Variants in CLK3 observed in about 807,000 individuals in gnomAD.
The protein encoded by CLK3 is dual specificity protein kinase CLK3.
Under a neutral mutation model 65.2 loss-of-function variants are expected in CLK3, and 24 were observed. The observed-to-expected ratio is 0.37, with a 90% CI of 0.27 to 0.52. The LOEUF (loss-of-function observed/expected upper bound fraction) is 0.52. CLK3 is among the 20% of genes least tolerant of loss of function. The pLI, the probability that CLK3 is intolerant of heterozygous loss-of-function variation, is 0.92. For missense variants in CLK3, 506 were observed against 660.0 expected, an observed-to-expected ratio of 0.77 and a Z score of 2.56; for synonymous variants, 252 against 240.8, an observed-to-expected ratio of 1.05 and a Z score of -0.43.
At chr15:74,614,032 G>T (rs1211773707), upstream of CLK3, among the ~76,000 whole-genome samples, 2 of 152,178 alleles carry the variant, frequency 1.3e-5, no homozygotes, top group Admixed American at 6.5e-5. Context: ...TTTCTTTTTT[G>T]AGACGGAGTT....
upstream of CLK3, chr15:74,615,730 C>G (rs2062050070): frequency 8.1e-7 from 1 of 1,238,654 alleles, no homozygotes; most frequent in African/African-American, 1.6e-5. Context: ...CCGGAGCCTT[C>G]GAGTCGGGGG....
upstream of CLK3, among the ~76,000 whole-genome samples, chr15:74,613,744 C>T (rs531395497): frequency 6.6e-6 from 1 of 152,124 alleles, no homozygotes; most frequent in Non-Finnish European, 1.5e-5. Flanking sequence ...GAACATCCAT[C>T]CCTCAGGGCT....
intron 1 of CLK3, among the ~76,000 whole-genome samples, chr15:74,617,736 T>G (rs543357394): frequency 1.3e-5 from 2 of 152,380 alleles, no homozygotes; most frequent in South Asian, 2.1e-4. Flanking sequence ...ACTTGCCTTG[T>G]GGCACGACAT....
At chr15:74,613,265 C>T (rs77845395), upstream of CLK3, 6,456 of 152,230 alleles carry the variant, frequency 0.042, 152 homozygotes, top group Middle Eastern at 0.13. Flanking sequence ...TGCAGGGCAG[C>T]GGCACCTCCC....
rs763804384 is a variant in CLK3 at position 74,619,999 on chromosome 15, C to T, written c.153-10C>T. On this transcript the variant is annotated splice_polypyrimidine_tract_variant and intron_variant, in intron 2 of 12. Coordinates refer to ENST00000395066, the MANE Select transcript of CLK3 (RefSeq NM_001130028.2). ...CCAGCTGACCAGCGTCCCCATCCCCCTTTTGGCAGCCATGACCGCCTGCCC... is the reference window on the plus strand; with the variant it reads ...CCAGCTGACCAGCGTCCCCATCCCCTTTTTGGCAGCCATGACCGCCTGCCC... 3.1e-6 allele frequency: 5 copies of T among 1,614,014 alleles called. No individual in the cohort carries two copies. The highest frequency in any genetic ancestry group is 4.2e-6 in the Non-Finnish European group (5 of 1,179,948).
upstream of CLK3, among the ~76,000 whole-genome samples, chr15:74,612,134 C>G (rs115203216): frequency 6.6e-6 from 1 of 152,228 alleles, no homozygotes; most frequent in Non-Finnish European, 1.5e-5. Flanking sequence ...TGCCCAAGTC[C>G]GGCAGGGAGT....
chr15:74,629,076 AC>A, intron 12 of CLK3, 44 bp downstream of exon 12: 1 of 1,400,350 alleles, frequency 7.1e-7, no homozygotes, highest in Non-Finnish European at 1.0e-6. Context: ...CCAAGGAGAG[AC>A]CCCAGGCACT....
intron 6 of CLK3, among the ~76,000 whole-genome samples, chr15:74,625,584 G>A (rs2062138097): frequency 1.3e-5 from 2 of 152,120 alleles, no homozygotes; most frequent in Admixed American, 1.3e-4. Flanking sequence ...CCTACCCCCC[G>A]CAGGAAGCTT....
chr15:74,618,234 T>A (rs1411660120), intron 1 of CLK3, among the ~76,000 whole-genome samples: 3 of 152,158 alleles, frequency 2.0e-5, no homozygotes, highest in Admixed American at 2.0e-4. Flanking sequence ...GGGATTGACG[T>A]ATGGGTGGAG....
intron 3 of CLK3, chr15:74,620,841 C>T (rs1308516703): frequency 6.5e-6 from 1 of 153,634 alleles, no homozygotes. Flanking sequence ...GGGGCAGGTG[C>T]CTGTGTGATG....
Position 74,621,872 on chromosome 15 carries a change from C to A in CLK3, c.370-248C>A. 1 of 520,914 alleles carries A rather than the reference C, an allele frequency of 1.9e-6. No homozygotes were observed. The highest frequency in any genetic ancestry group is 3.6e-6 in the Non-Finnish European group (1 of 274,744). The allele number at this position is 520,914 out of a possible 1,614,324, so 32.3% of individuals were successfully genotyped here. A position where few individuals can be genotyped will look rare whatever the true frequency, so the allele number is the denominator to read the frequency against. ...AAAGATAATGTCCGAGTTTTCTTTA[C>A]ATACCTGTAGCTGTTTTTACTTTTC... is the stretch of plus-strand genomic sequence containing the variant. On this transcript the variant is annotated intron_variant, in intron 3 of 12. Coordinates refer to ENST00000395066, the MANE Select transcript of CLK3 (RefSeq NM_001130028.2). The surrounding 1 kb of genome is among the most constrained non-coding windows in gnomAD (Gnocchi z 4.8).
At chr15:74,628,878 A>G in intron 11 of CLK3, 64 bp from the exon 12 acceptor site, 2 of 1,245,712 alleles carry the variant, frequency 1.6e-6, no homozygotes, top group Admixed American at 3.5e-5. Context: ...GCTCTTCCCC[A>G]CCTCCCACCA....
In CLK3 at chr15:74,628,980, A is replaced by T; in HGVS notation, c.1244A>T (p.Asp415Val). The part of the protein sequence containing the change: ...KYFYKGGLVW[D>V]ENSSDGRYVK... ...TTCTACAAAGGGGGCCTAGTTTGGG[A>T]TGAGAACAGCTCTGACGGCCGGTAT... The change falls in exon 12 of 13, where the codon GAT becomes GTT. Residue 415 changes from aspartate to valine, a missense_variant. Asp to Val is a radical substitution (Grantham distance 152). Around this residue, in one of 2 missense-constraint regions of CLK3, gnomAD observed 325 missense variants for 500.5 expected, o/e 0.65. Transcript: ENST00000395066. The T allele has an allele frequency of 5.6e-6, 9 of 1,614,040 alleles. No homozygotes were observed. The highest frequency in any genetic ancestry group is 7.6e-6 in the Non-Finnish European group (9 of 1,179,906).
chr15:74,615,607 C>T (rs2062047728), upstream of CLK3: 2 of 1,253,290 alleles, frequency 1.6e-6, no homozygotes, highest in African/African-American at 1.6e-5. Context: ...GTCGGGGGAC[C>T]TACGTGCGCC....
chr15:74,619,109 T>C, intron 1 of CLK3, 88 bp from the exon 2 acceptor site: 1 of 1,547,360 alleles, frequency 6.5e-7, no homozygotes. Context: ...ATGGGCCTCT[T>C]CAGGAGCAAC....
intron 1 of CLK3, chr15:74,608,656 CA>C (rs1196803135): frequency 6.6e-6 from 1 of 152,318 alleles, no homozygotes; most frequent in Non-Finnish European, 1.5e-5. Context: ...GGGGCTTGGC[CA>C]TATGTAGGCG....
chr15:74,612,500 G>A (rs2062002000), upstream of CLK3, among the ~76,000 whole-genome samples: 1 of 152,080 alleles, frequency 6.6e-6, no homozygotes, highest in Non-Finnish European at 1.5e-5. Context: ...CCAACCCTGG[G>A]CACGAGGCAC....
At chr15:74,612,849 G>A (rs1278325716), upstream of CLK3, among the ~76,000 whole-genome samples, 1 of 152,232 alleles carries the variant, frequency 6.6e-6, no homozygotes, top group African/African-American at 2.4e-5. Context: ...CTACCTGGGT[G>A]CTCTGTCTTG....
Position 74,622,315 on chromosome 15 carries a change from C to G in CLK3, c.466+99C>G. ...GAGGGGCCTCTAGTGCGCGTGGTGC[C>G]TTAGCGGGGCCACCAGTAATTGCCT... is the stretch of plus-strand genomic sequence containing the variant. On this transcript the variant is annotated intron_variant, in intron 4 of 12. Transcript: ENST00000395066. The surrounding 1 kb of genome is among the most constrained non-coding windows in gnomAD (Gnocchi z 4.6). 2 of 1,184,076 alleles carry G rather than the reference C, an allele frequency of 1.7e-6. No individual in the cohort carries two copies. The highest frequency in any genetic ancestry group is 2.4e-6 in the Non-Finnish European group (2 of 818,058). The allele number at this position is 1,184,076 out of a possible 1,614,324, so 73.3% of individuals were successfully genotyped here. A position where few individuals can be genotyped will look rare whatever the true frequency, so the allele number is the denominator to read the frequency against.
Sources: gnomAD v4.1 joint callset for allele counts (sites outside exome capture counted in the v4.1 genomes callset) on GRCh38, gnomAD v4.1.1 for gene constraint, gnomAD v4.1.1 regional missense constraint, Gnocchi (gnomAD v3.1) non-coding constraint, MANE v1.5 for transcripts, NCBI Gene and HGNC (gene_info 2026-07-23, HGNC 2026-07-21) for gene names.